Variants in DYDC2 observed in about 807,000 individuals in gnomAD.
The protein encoded by DYDC2 is DPY30 domain containing 2.
In DYDC2, 19 loss-of-function variants were observed where a neutral mutation model predicts 18.7. The ratio of observed to expected loss-of-function variants is 1.02; its 90% CI spans 0.71 to 1.49. The LOEUF is 1.49. Among genes scored for constraint, DYDC2 ranks in the 40% most tolerant of loss-of-function variants. DYDC2 has a pLI of 0.00. For synonymous variants in DYDC2, 63 were observed against 67.6 expected, an observed-to-expected ratio of 0.93 and a Z score of 0.34; for missense variants, 179 against 205.1, an observed-to-expected ratio of 0.87 and a Z score of 0.78.
chr10:80,363,352 T>G (rs1444517721), intron 4 of DYDC2, among the ~76,000 whole-genome samples: 1 of 136,856 alleles, frequency 7.3e-6, no homozygotes, highest in East Asian at 2.1e-4. Context: ...TTTTTTTTTT[T>G]TTTTTTTTTT....
rs117131772 is a variant in DYDC2, at chr10:80,358,440, T to C, written c.-10+395T>C. Among the ~76,000 whole-genome samples, 1,145 of 152,346 alleles carry C rather than the reference T, an allele frequency of 7.5e-3. 5 individuals are homozygous for C. Among genetic ancestry groups the C allele is most frequent in the Non-Finnish European group, 0.012 (795 of 68,028 alleles). On this transcript the variant is annotated intron_variant, in intron 2 of 4. Coordinates refer to ENST00000256039, the MANE Select transcript of DYDC2 (RefSeq NM_032372.6). Reference sequence around the variant, plus strand: ...CCCTCCAGCCCTCAGATTATGGCTCTATGCTGGCTCTACTGTCTTTGTACC... The same window carrying C: ...CCCTCCAGCCCTCAGATTATGGCTCCATGCTGGCTCTACTGTCTTTGTACC...
chr10:80,361,723 C>T (rs1285792479), intron 2 of DYDC2, among the ~76,000 whole-genome samples: 1 of 152,190 alleles, frequency 6.6e-6, no homozygotes, highest in Non-Finnish European at 1.5e-5. Context: ...ATTACAGTCA[C>T]TATTTTAATG....
At chr10:80,363,116 G>C in intron 4 of DYDC2, 43 bp downstream of exon 4, 1 of 1,581,060 alleles carries the variant, frequency 6.3e-7, no homozygotes, top group Non-Finnish European at 8.6e-7. Context: ...ACACATCCCA[G>C]TGATGGACTC....
rs1025278781 is a variant in DYDC2, at chr10:80,358,055, C to T, written c.-10+10C>T. On this transcript the variant is annotated intron_variant, in intron 2 of 4. Transcript: ENST00000256039. ...GCCTCTCCCCCCATTGGTGAGTGTA[C>T]CCTAAGTTGGTCTGAGTGGGCTTTA... is the stretch of plus-strand genomic sequence containing the variant. 4.1e-6 allele frequency: 4 copies of T among 985,344 alleles called. No homozygotes were observed. The highest frequency in any genetic ancestry group is 9.4e-5 in the South Asian group (2 of 21,292). The allele number at this position is 985,344 out of a possible 1,614,324, so 61.0% of individuals were successfully genotyped here.
At position 80,368,014 on chromosome 10, in the gene DYDC2, C is replaced by T. The variant is rs1280893835; in HGVS notation, c.*1063C>T. ...CAGCCCCTGGCAACCACCATTCTTT[C>T]TGTCTCTGTGATTTAGATTACTCTG... is the stretch of plus-strand genomic sequence containing the variant. On this transcript the variant is annotated 3_prime_UTR_variant, in exon 5 of 5. Transcript: ENST00000256039. 6.6e-6 allele frequency: 1 copy of T among 152,186 alleles called. No homozygotes were observed. Among genetic ancestry groups the T allele is most frequent in the East Asian group, 1.9e-4 (1 of 5,198 alleles). The allele number at this position is 152,186 out of a possible 1,614,324, so 9.4% of individuals were successfully genotyped here.
chr10:80,346,076 G>T (rs1464391235), intron 1 of DYDC2, among the ~76,000 whole-genome samples: 1 of 152,158 alleles, frequency 6.6e-6, no homozygotes, highest in Non-Finnish European at 1.5e-5. Flanking sequence ...TCGAACTCTG[G>T]ACCTCAAGTG....
intron 1 of DYDC2, among the ~76,000 whole-genome samples, chr10:80,347,831 T>C (rs1364673548): frequency 6.6e-6 from 1 of 152,258 alleles, no homozygotes; most frequent in African/African-American, 2.4e-5. Flanking sequence ...TTTATGCCAA[T>C]ACCATACTGT....
intron 2 of DYDC2, among the ~76,000 whole-genome samples, chr10:80,358,859 T>G (rs1257400051): frequency 6.6e-6 from 1 of 152,136 alleles, no homozygotes; most frequent in East Asian, 1.9e-4. Flanking sequence ...CAGAGTTCGT[T>G]CCTTTTGATG....
chr10:80,361,748 G>A (rs994053255), intron 2 of DYDC2, among the ~76,000 whole-genome samples: 4 of 152,116 alleles, frequency 2.6e-5, no homozygotes, highest in African/African-American at 9.7e-5. Context: ...AACTGCCCCA[G>A]ATTTGACTAG....
rs896132509 is a variant in DYDC2, at chr10:80,350,336, T to C, written c.-310+5521T>C. 4.6e-5 allele frequency among the ~76,000 whole-genome samples: 7 copies of C among 152,312 alleles called. No homozygotes were observed. In the South Asian group the frequency reaches 8.3e-4, roughly 18 times the overall value. ...AGAGTTATGTATCTCCCACTTACGA[T>C]GTAATTGCCTAGGGGAAGGAGAACC... On this transcript the variant is annotated intron_variant, in intron 1 of 4. Coordinates refer to the DYDC2 transcript ENST00000372197.
chr10:80,365,717 GTTTGTTTTT>G (rs1564675422), intron 4 of DYDC2, among the ~76,000 whole-genome samples: 1 of 152,132 alleles, frequency 6.6e-6, no homozygotes, highest in African/African-American at 2.4e-5. Flanking sequence ...ACTGAAGCTT[GTTTGTTTTT>G]TTCCTGTGTG....
At chr10:80,354,955 G>A (rs2132857685), upstream of DYDC2, among the ~76,000 whole-genome samples, 1 of 152,008 alleles carries the variant, frequency 6.6e-6, no homozygotes, top group East Asian at 1.9e-4. Flanking sequence ...GAGAAAGGAA[G>A]ATAAATATTT....
At chr10:80,344,765 T>C in exon 1 of DYDC2, 1 of 327,432 alleles carries the variant, frequency 3.1e-6, no homozygotes, top group Non-Finnish European at 5.9e-6. Context: ...ATGTAAGAAG[T>C]GCCTTTCGCC....
At chr10:80,356,715 T>C, upstream of DYDC2, 3 of 984,918 alleles carry the variant, frequency 3.0e-6, no homozygotes, top group Non-Finnish European at 3.6e-6. Context: ...CGCTCACCCC[T>C]ACACACGCGC....
Position 80,357,910 on chromosome 10 carries a change from G to A in DYDC2, c.-145G>A. ...ATTTACAGAGCTCCCAGTGTGCCAA[G>A]CGTGGGCGGTATACAGTAAACAAAG... is the stretch of plus-strand genomic sequence containing the variant. On this transcript the variant is annotated 5_prime_UTR_variant, in exon 2 of 5. Coordinates refer to ENST00000256039, the MANE Select transcript of DYDC2 (RefSeq NM_032372.6). 1 of 985,384 alleles carries A rather than the reference G, an allele frequency of 1.0e-6. No homozygotes were observed. Among genetic ancestry groups the A allele is most frequent in the Non-Finnish European group, 1.2e-6 (1 of 829,876 alleles). 61.0% of individuals were successfully genotyped at this position (985,384 alleles called of 1,614,324 possible). A position where few individuals can be genotyped will look rare whatever the true frequency, so the allele number is the denominator to read the frequency against.
intron 1 of DYDC2, among the ~76,000 whole-genome samples, chr10:80,350,936 A>G (rs1267366478): frequency 6.6e-6 from 1 of 152,196 alleles, no homozygotes; most frequent in Non-Finnish European, 1.5e-5. Flanking sequence ...CTTCAATTAA[A>G]AGGTCTGCCT....
chr10:80,348,193 C>T lies in DYDC2; in HGVS notation c.-310+3378C>T, dbSNP rs115601250. ...ACCTCCTTGGTTACATTTATTCCTA[C>T]GTATATTATTCTTTTTGAAGCTATT... On this transcript the variant is annotated intron_variant, in intron 1 of 4. Transcript: ENST00000372197. Among the ~76,000 whole-genome samples, 1,323 of 152,184 alleles carry T rather than the reference C, an allele frequency of 8.7e-3. 19 individuals carry two copies. Among genetic ancestry groups the T allele is most frequent in the African/African-American group, 0.031 (1,268 of 41,504 alleles).
upstream of DYDC2, chr10:80,352,600 A>G: frequency 6.3e-7 from 1 of 1,597,986 alleles, no homozygotes; most frequent in Non-Finnish European, 8.5e-7. Flanking sequence ...TATTGACTCC[A>G]TTTCTAACTC....
chr10:80,365,408 T>C (rs2132903571), intron 4 of DYDC2, among the ~76,000 whole-genome samples: 1 of 152,336 alleles, frequency 6.6e-6, no homozygotes, highest in South Asian at 2.1e-4. Context: ...AACCATAATT[T>C]TGTTTCTGAG....
Sources: gnomAD v4.1 joint callset for allele counts (sites outside exome capture counted in the v4.1 genomes callset) on GRCh38, gnomAD v4.1.1 for gene constraint, MANE v1.5 for transcripts, NCBI Gene and HGNC (gene_info 2026-07-23, HGNC 2026-07-21) for gene names.